DLG1: variants seen among roughly 807,000 people sequenced by gnomAD.
DLG1 encodes the protein disks large homolog 1.
In DLG1, 42 loss-of-function variants were observed where a neutral mutation model predicts 123.4. The observed-to-expected ratio is 0.34, with a 90% CI of 0.27 to 0.44. The LOEUF (loss-of-function observed/expected upper bound fraction) is 0.44. DLG1 is among the 20% of genes least tolerant of loss of function. The pLI, the probability that DLG1 is intolerant of heterozygous loss-of-function variation, is 1.00. For synonymous variants in DLG1, 317 were observed against 356.2 expected (o/e 0.89, Z 1.24); for missense variants, 942 against 1,082.6 (o/e 0.87, Z 1.82).
chr3:197,104,449 A>C (rs1765220350), intron 14 of DLG1, among the ~76,000 whole-genome samples: 2 of 152,124 alleles, frequency 1.3e-5, no homozygotes, highest in Admixed American at 1.3e-4. Context: ...TGGGAGGCTG[A>C]GGTGGGCGGA....
intron 13 of DLG1, among the ~76,000 whole-genome samples, chr3:197,108,256 A>AT (rs561362919): frequency 6.6e-6 from 1 of 151,884 alleles, no homozygotes; most frequent in African/African-American, 2.4e-5. Context: ...TTGGTTTGTA[A>AT]TTTTTTCTTC....
intron 15 of DLG1, among the ~76,000 whole-genome samples, chr3:197,089,443 C>G (rs1323263885): frequency 2.6e-5 from 4 of 151,674 alleles, no homozygotes; most frequent in African/African-American, 9.7e-5. Context: ...GGAAGGATCC[C>G]TTGAACCCGG....
intron 4 of DLG1, among the ~76,000 whole-genome samples, chr3:197,265,423 T>C (rs552163358): frequency 6.6e-6 from 1 of 152,284 alleles, no homozygotes; most frequent in South Asian, 2.1e-4. Flanking sequence ...TTCCTGGCTG[T>C]AGCAGAAGGG....
chr3:197,090,895 G>C lies in DLG1; in HGVS notation c.1661+17C>G. Reference sequence around the variant, plus strand: ...AACTAATTAAGATTTGCCATAATTAGAAGTAAAAAAATTTACCTGACATAG... The same window carrying C: ...AACTAATTAAGATTTGCCATAATTACAAGTAAAAAAATTTACCTGACATAG... On this transcript the variant is annotated intron_variant, in intron 15 of 24. Coordinates refer to ENST00000667157, the MANE Select transcript of DLG1 (RefSeq NM_001366207.1). 2.0e-6 allele frequency: 3 copies of C among 1,471,308 alleles called. No homozygotes were observed. Among genetic ancestry groups the C allele is most frequent in the Non-Finnish European group, 2.8e-6 (3 of 1,068,018 alleles). 91.1% of individuals were successfully genotyped at this position (1,471,308 alleles called of 1,614,324 possible). A position where few individuals can be genotyped will look rare whatever the true frequency, so the allele number is the denominator to read the frequency against.
intron 5 of DLG1, among the ~76,000 whole-genome samples, chr3:197,161,306 A>AT (rs1798671938): frequency 1.3e-5 from 2 of 152,200 alleles, no homozygotes; most frequent in Admixed American, 1.3e-4. Context: ...GAGTACAATG[A>AT]TTTTTACTAA....
At chr3:197,069,866 AG>A (rs1303500923) in intron 18 of DLG1, 1 of 151,764 alleles carries the variant, frequency 6.6e-6, no homozygotes, top group African/African-American at 2.4e-5. Flanking sequence ...TAATATTAGA[AG>A]TCATAAATTC....
At chr3:197,243,733 T>G (rs758521968) in intron 4 of DLG1, among the ~76,000 whole-genome samples, 26 of 152,348 alleles carry the variant, frequency 1.7e-4, no homozygotes, top group Non-Finnish European at 2.9e-4. Context: ...TTGTTGGTTA[T>G]AGTAGATATA....
intron 4 of DLG1, among the ~76,000 whole-genome samples, chr3:197,221,049 A>T (rs1736709701): frequency 6.6e-6 from 1 of 152,218 alleles, no homozygotes; most frequent in Non-Finnish European, 1.5e-5. Context: ...TTAAATAAGA[A>T]TATCTTAAGT....
At chr3:197,198,122 TCAAAACAAAACAAAA>T (rs527404506) in intron 4 of DLG1, among the ~76,000 whole-genome samples, 3 of 132,532 alleles carry the variant, frequency 2.3e-5, no homozygotes, top group Non-Finnish European at 5.0e-5. Flanking sequence ...ATTGGACTCA[TCAAAACAAAACAAAA>T]CAAAACAAAC....
At chr3:197,243,937 T>C (rs1425348510) in intron 4 of DLG1, among the ~76,000 whole-genome samples, 2 of 152,198 alleles carry the variant, frequency 1.3e-5, no homozygotes, top group East Asian at 3.8e-4. Context: ...CTTTTCTGGT[T>C]GATGAAATGC....
intron 24 of DLG1, among the ~76,000 whole-genome samples, chr3:197,047,165 A>C: frequency 6.6e-6 from 1 of 152,194 alleles, no homozygotes; most frequent in East Asian, 1.9e-4. Context: ...TGAGACATAT[A>C]ATTATTAAAT....
At chr3:197,200,408 A>T (rs1339445065) in intron 4 of DLG1, among the ~76,000 whole-genome samples, 1 of 152,200 alleles carries the variant, frequency 6.6e-6, no homozygotes, top group African/African-American at 2.4e-5. Flanking sequence ...CAACACATTA[A>T]CATAAAAGGA....
At chr3:197,148,578 A>G (rs544788556) in intron 6 of DLG1, among the ~76,000 whole-genome samples, 6 of 152,282 alleles carry the variant, frequency 3.9e-5, no homozygotes, top group African/African-American at 1.4e-4. Context: ...AAGACCATTC[A>G]ATGCGGAAAG....
At chr3:197,100,927 A>T (rs1462787574) in intron 14 of DLG1, among the ~76,000 whole-genome samples, 2 of 152,244 alleles carry the variant, frequency 1.3e-5, no homozygotes, top group Admixed American at 6.5e-5. Flanking sequence ...TCTCCTAAAA[A>T]CTTGTCTTTC....
At position 197,210,623 on chromosome 3, in the gene DLG1, T is replaced by TTA. The variant is rs370542105; in HGVS notation, c.319-16036_319-16035dup. On this transcript the variant is annotated intron_variant, in intron 4 of 24. Coordinates refer to ENST00000667157, the MANE Select transcript of DLG1 (RefSeq NM_001366207.1). ...AGTAAATGTGAGTGGCCTCTCAAATTTATATATATATATATAAGTCTTTAT... is the reference window on the plus strand; with the variant it reads ...AGTAAATGTGAGTGGCCTCTCAAATTTATATATATATATATATAAGTCTTTAT... Among the ~76,000 whole-genome samples, 252 of 140,470 alleles carry TTA rather than the reference T, an allele frequency of 1.8e-3. 10 individuals carry two copies. The highest frequency in any genetic ancestry group is 4.1e-3 in the African/African-American group (165 of 40,276). 92.2% of individuals were successfully genotyped at this position (140,470 alleles called of 152,430 possible).
Position 197,104,539 on chromosome 3 carries a change from C to T in DLG1, c.1546+364G>A, listed in dbSNP as rs113585114. On this transcript the variant is annotated intron_variant, in intron 14 of 24. Coordinates refer to ENST00000667157, the MANE Select transcript of DLG1 (RefSeq NM_001366207.1). The stretch of plus-strand genomic sequence containing the variant: ...TCTACTAAAAATACAAAAAATTAGC[C>T]GGTATGGTGGTGCATGCCTGTAATC... 5.2e-3 allele frequency among the ~76,000 whole-genome samples: 789 copies of T among 151,912 alleles called. 8 individuals carry two copies. The highest frequency in any genetic ancestry group is 0.018 in the African/African-American group (743 of 41,444).
At chr3:197,112,906 C>T (rs1490049754) in intron 13 of DLG1, among the ~76,000 whole-genome samples, 1 of 152,118 alleles carries the variant, frequency 6.6e-6, no homozygotes, top group East Asian at 1.9e-4. Flanking sequence ...TATTTGGTTT[C>T]TTAATGTCAT....
intron 10 of DLG1, among the ~76,000 whole-genome samples, chr3:197,131,533 G>C (rs1782440378): frequency 7.1e-6 from 1 of 141,738 alleles, no homozygotes; most frequent in African/African-American, 2.6e-5. Context: ...TCCTAGGATA[G>C]TCTATATACA....
chr3:197,087,415 G>A (rs1198602613), intron 15 of DLG1, among the ~76,000 whole-genome samples: 1 of 151,460 alleles, frequency 6.6e-6, no homozygotes, highest in Non-Finnish European at 1.5e-5. Flanking sequence ...TGGTGGTGGT[G>A]TGTGCCTGTA....
Sources: allele counts gnomAD v4.1 joint callset (sites outside exome capture counted in the v4.1 genomes callset), GRCh38; gene constraint gnomAD v4.1.1; transcripts MANE v1.5; gene names NCBI Gene and HGNC (gene_info 2026-07-23, HGNC 2026-07-21).